The following RDH13 variants were observed in gnomAD, a reference collection of about 807,000 sequenced individuals.
RDH13 encodes retinol dehydrogenase 13, also known as retinol dehydrogenase 13 (all-trans and 9-cis).
In RDH13, 35 loss-of-function variants were observed where a neutral mutation model predicts 28.3. The observed-to-expected ratio is 1.24, with a 90% CI of 0.95 to 1.64. The LOEUF is 1.64. Ranked by LOEUF, RDH13 falls within the 40% of genes most tolerant of loss-of-function variation. RDH13 has a pLI of 0.00. For synonymous variants in RDH13, 229 were observed against 198.5 expected (o/e 1.15, Z -1.29); for missense variants, 514 against 446.3 (o/e 1.15, Z -1.37).
intron 2 of RDH13, 83 bp from the exon 3 acceptor site, chr19:55,056,891 C>G: frequency 1.7e-6 from 2 of 1,170,762 alleles, no homozygotes; most frequent in Admixed American, 4.8e-5. Context: ...CATACGTCTA[C>G]ACAAAAACAC....
intron 1 of RDH13, among the ~76,000 whole-genome samples, chr19:55,062,042 G>C (rs1320031644): frequency 6.6e-6 from 1 of 152,196 alleles, no homozygotes; most frequent in Middle Eastern, 3.4e-3. Flanking sequence ...GCTTGAACCC[G>C]GGAGGTGGAG....
chr19:55,047,369 G>A lies in RDH13; in HGVS notation c.760+18C>T. On this transcript the variant is annotated intron_variant, in intron 6 of 6. Transcript: ENST00000415061. ...TGGAGGGCTCCACGTGGAGACCCCAGGCTGGGAGGGGACTCACCGAGTGTG... is the reference window on the plus strand; with the variant it reads ...TGGAGGGCTCCACGTGGAGACCCCAAGCTGGGAGGGGACTCACCGAGTGTG... 1 of 1,608,856 alleles carries A rather than the reference G, an allele frequency of 6.2e-7. No individual in the cohort carries two copies. Among genetic ancestry groups the A allele is most frequent in the Non-Finnish European group, 8.5e-7 (1 of 1,179,120 alleles).
intron 3 of RDH13, chr19:55,054,014 C>T (rs1310092907): frequency 6.6e-6 from 1 of 152,134 alleles, no homozygotes; most frequent in African/African-American, 2.4e-5. Context: ...GACAACAGTG[C>T]CGGCTCTTTC....
upstream of RDH13, chr19:55,063,150 G>A (rs1458813019): frequency 1.1e-5 from 11 of 961,284 alleles, no homozygotes; most frequent in Non-Finnish European, 1.5e-5. Flanking sequence ...CGGAGGCGCA[G>A]GCGCGGCTGG....
upstream of RDH13, among the ~76,000 whole-genome samples, chr19:55,066,110 T>G (rs1253586459): frequency 6.6e-6 from 1 of 152,200 alleles, no homozygotes; most frequent in Non-Finnish European, 1.5e-5. Context: ...GCTGTTAATA[T>G]GGTTATTATA....
Position 55,056,796 on chromosome 19 carries a change from A to T in RDH13, c.197T>A (p.Ile66Asn). The change falls in exon 3 of 7, where the codon ATC (isoleucine) becomes AAC (asparagine). Residue 66 changes from isoleucine to asparagine, a missense_variant. Ile to Asn is a moderately radical substitution (Grantham distance 149). Transcript: ENST00000415061. ...LELARRGGNI[I>N]LACRDMEKCE... ...CTTCTCCATGTCTCGGCAGGCCAGGATGATGTTGCCTCCTGAAAACCCAGG... is the reference window on the plus strand; with the variant it reads ...CTTCTCCATGTCTCGGCAGGCCAGGTTGATGTTGCCTCCTGAAAACCCAGG... 6.2e-7 allele frequency: 1 copy of T among 1,613,960 alleles called. No individual in the cohort carries two copies. Among genetic ancestry groups the T allele is most frequent in the Non-Finnish European group, 8.5e-7 (1 of 1,179,908 alleles).
chr19:55,056,146 C>A (rs1329236377), intron 3 of RDH13, among the ~76,000 whole-genome samples: 1 of 151,422 alleles, frequency 6.6e-6, no homozygotes, highest in Non-Finnish European at 1.5e-5. Context: ...AGAGCGAGAC[C>A]CCATCTGTCT....
chr19:55,061,425 A>G (rs116836547), intron 1 of RDH13, among the ~76,000 whole-genome samples: 1,506 of 150,452 alleles, frequency 0.01, 40 homozygotes, highest in African/African-American at 0.035. Flanking sequence ...CACCACACCC[A>G]ACAACCTCTC....
chr19:55,061,793 A>C (rs2075815371), intron 1 of RDH13, among the ~76,000 whole-genome samples: 1 of 137,570 alleles, frequency 7.3e-6, no homozygotes, highest in African/African-American at 2.6e-5. Flanking sequence ...CCTGTCTCCA[A>C]AAAAAAAAAA....
chr19:55,044,235 G>A (rs1335417620), downstream of RDH13: 2 of 152,158 alleles, frequency 1.3e-5, no homozygotes, highest in East Asian at 3.8e-4. Context: ...TTTCCTAAAA[G>A]GAATAAAGCC....
upstream of RDH13, among the ~76,000 whole-genome samples, chr19:55,065,193 T>C (rs2075938775): frequency 6.6e-6 from 1 of 151,276 alleles, no homozygotes; most frequent in Admixed American, 6.8e-5. Flanking sequence ...GAGAGCGGCC[T>C]GGACAACACG....
At chr19:55,062,873 G>C in intron 1 of RDH13, 95 bp downstream of exon 1, 1 of 1,124,562 alleles carries the variant, frequency 8.9e-7, no homozygotes, top group Non-Finnish European at 1.2e-6. Context: ...ACGGGGCCTG[G>C]ACCCGGGTGC....
chr19:55,043,528 TGTG>T (rs34822951), downstream of RDH13, among the ~76,000 whole-genome samples: 68,006 of 151,114 alleles, frequency 0.45, 15,588 homozygotes, highest in East Asian at 0.58. Flanking sequence ...ATTAGCCAGG[TGTG>T]GTGGTGGGCG....
chr19:55,068,785 G>C (rs1382099590), intron 1 of RDH13: 2 of 144,608 alleles, frequency 1.4e-5, no homozygotes, highest in African/African-American at 2.6e-5. Context: ...GCAGTGAGCC[G>C]AGATCGCGCC....
intron 6 of RDH13, 190 bp downstream of exon 6, chr19:55,047,197 C>T (rs1278784692): frequency 1.6e-5 from 22 of 1,405,576 alleles, no homozygotes; most frequent in South Asian, 3.2e-5. Flanking sequence ...GCCTGCTTCC[C>T]GGGGCTGTTA....
intron 3 of RDH13, among the ~76,000 whole-genome samples, chr19:55,049,472 G>A (rs2075357306): frequency 6.6e-6 from 1 of 152,142 alleles, no homozygotes; most frequent in South Asian, 2.1e-4. Flanking sequence ...CCGTAACAAA[G>A]TGCCACAGAC....
At chr19:55,053,757 C>A (rs371702034) in intron 3 of RDH13, 14 of 152,216 alleles carry the variant, frequency 9.2e-5, no homozygotes, top group African/African-American at 3.4e-4. Flanking sequence ...CATCACCTGC[C>A]CAGGTGTGTC....
downstream of RDH13, among the ~76,000 whole-genome samples, chr19:55,043,672 C>G (rs933435983): frequency 2.0e-5 from 3 of 152,088 alleles, no homozygotes; most frequent in South Asian, 2.1e-4. Flanking sequence ...GGTGGCTGTT[C>G]TGTGTACTGT....
intron 2 of RDH13, among the ~76,000 whole-genome samples, chr19:55,057,676 G>C (rs902618920): frequency 3.3e-5 from 5 of 151,934 alleles, no homozygotes; most frequent in African/African-American, 4.8e-5. Context: ...GACCTCAGGT[G>C]ATCCACCCCG....
Sources: gnomAD v4.1 joint callset for allele counts (sites outside exome capture counted in the v4.1 genomes callset) on GRCh38, gnomAD v4.1.1 for gene constraint, MANE v1.5 for transcripts, NCBI Gene and HGNC (gene_info 2026-07-23, HGNC 2026-07-21) for gene names.